Variants in CNST observed in about 807,000 individuals in gnomAD.
CNST encodes consortin, connexin sorting protein.
CNST carries 39 observed loss-of-function variants against 72.4 expected under a neutral mutation model. That is an observed-to-expected ratio of 0.54 (90% CI 0.42 to 0.70). The LOEUF (loss-of-function observed/expected upper bound fraction) is 0.70. CNST is among the 30% of genes least tolerant of loss of function. The probability of loss-of-function intolerance (pLI) is 0.00; values close to 1 mark genes in which losing one functional copy is unlikely to be tolerated. For synonymous variants in CNST, 332 were observed against 320.1 expected (o/e 1.04, Z -0.40); for missense variants, 871 against 868.5 (o/e 1.00, Z -0.04).
intron 1 of CNST, among the ~76,000 whole-genome samples, chr1:246,572,043 A>G (rs1260037634): frequency 6.6e-6 from 1 of 152,074 alleles, no homozygotes; most frequent in East Asian, 1.9e-4. Flanking sequence ...TCTAATTTGA[A>G]TGAAGGTAAA....
rs1666505959 is a variant in CNST at position 246,652,523 on chromosome 1, C to T, written c.1836+4486C>T. 5.9e-5 allele frequency among the ~76,000 whole-genome samples: 9 copies of T among 152,302 alleles called. No individual in the cohort carries two copies. The South Asian group carries it at 1.9e-3, about 32-fold the overall frequency. ...GAGCAGATTTTAGCAACATGATATG[C>T]TGTGTGGAGATAAACCATTCATTTT... On this transcript the variant is annotated intron_variant, in intron 9 of 10. Transcript: ENST00000366513.
In CNST at chr1:246,653,015, A is replaced by G. The variant is rs576580369; in HGVS notation, c.1836+4978A>G. Among the ~76,000 whole-genome samples the G allele has an allele frequency of 3.9e-5, 6 of 151,906 alleles. No homozygotes were observed. In the South Asian group the frequency reaches 1.0e-3, roughly 26 times the overall value. On this transcript the variant is annotated intron_variant, in intron 9 of 10. Coordinates refer to ENST00000366513, the MANE Select transcript of CNST (RefSeq NM_152609.3). ...TGAGACTCTGTCTCAAAAAAAAAAAAAAAGAAAGCTTTTAATCTAGGAGAG... is the reference window on the plus strand; with the variant it reads ...TGAGACTCTGTCTCAAAAAAAAAAAGAAAGAAAGCTTTTAATCTAGGAGAG...
intron 1 of CNST, among the ~76,000 whole-genome samples, chr1:246,583,657 G>A (rs1660942395): frequency 6.6e-6 from 1 of 152,184 alleles, no homozygotes; most frequent in Admixed American, 6.5e-5. Context: ...AAAGCTCTGA[G>A]GTCAGAGTTC....
At chr1:246,597,251 G>A (rs1421776595) in intron 2 of CNST, among the ~76,000 whole-genome samples, 3 of 152,036 alleles carry the variant, frequency 2.0e-5, no homozygotes, top group South Asian at 2.1e-4. Flanking sequence ...CTTGTAATTC[G>A]TATACCATAA....
chr1:246,641,325 A>T (rs563224828), intron 6 of CNST, among the ~76,000 whole-genome samples: 1 of 152,362 alleles, frequency 6.6e-6, no homozygotes, highest in South Asian at 2.1e-4. Context: ...GTATTCCCTA[A>T]CATTTAATAT....
At chr1:246,652,854 A>G (rs1417054504) in intron 9 of CNST, among the ~76,000 whole-genome samples, 3 of 150,240 alleles carry the variant, frequency 2.0e-5, no homozygotes, top group African/African-American at 7.4e-5. Context: ...AATACAAAAA[A>G]CTAGCCGGGC....
In CNST at chr1:246,574,455, T is replaced by TC. The variant is rs1454265784; in HGVS notation, c.-52+7793dup. Among the ~76,000 whole-genome samples, 5 of 152,360 alleles carry TC rather than the reference T, an allele frequency of 3.3e-5. No individual in the cohort carries two copies. In the South Asian group the frequency reaches 1.0e-3, roughly 32 times the overall value. ...AAAAATTTTTTTTAGAGACAGCTTGTCGCACTATCACCCAGGTTGCCATGC... is the reference window on the plus strand; with the variant it reads ...AAAAATTTTTTTTAGAGACAGCTTGTCCGCACTATCACCCAGGTTGCCATGC... On this transcript the variant is annotated intron_variant, in intron 1 of 10. Transcript: ENST00000366513.
At chr1:246,640,436 TC>T (rs966421538) in intron 6 of CNST, among the ~76,000 whole-genome samples, 35 of 152,296 alleles carry the variant, frequency 2.3e-4, no homozygotes, top group African/African-American at 8.2e-4. Context: ...TTGAATTGTA[TC>T]AAGGAGTTGT....
intron 2 of CNST, among the ~76,000 whole-genome samples, chr1:246,619,454 A>G (rs1340314620): frequency 6.6e-6 from 1 of 152,188 alleles, no homozygotes; most frequent in Non-Finnish European, 1.5e-5. Context: ...AGTGTTGAAG[A>G]CACCATGCTG....
At chr1:246,569,599 A>G (rs1472881653) in intron 1 of CNST, among the ~76,000 whole-genome samples, 1 of 151,992 alleles carries the variant, frequency 6.6e-6, no homozygotes, top group African/African-American at 2.4e-5. Context: ...TTGTTTTGAG[A>G]CAGATTCTCA....
At chr1:246,655,593 A>G (rs1405760712) in intron 9 of CNST, among the ~76,000 whole-genome samples, 1 of 152,166 alleles carries the variant, frequency 6.6e-6, no homozygotes, top group Admixed American at 6.5e-5. Flanking sequence ...TAAGATAAGA[A>G]TTTTTGCTAG....
chr1:246,632,070 C>A, intron 4 of CNST, 146 bp downstream of exon 4: 1 of 535,922 alleles, frequency 1.9e-6, no homozygotes, highest in Non-Finnish European at 3.3e-6. Context: ...CCCGTGTAAC[C>A]ACCTCAGAAA....
chr1:246,612,429 C>T (rs1451458886), intron 2 of CNST, among the ~76,000 whole-genome samples: 1 of 152,212 alleles, frequency 6.6e-6, no homozygotes, highest in Non-Finnish European at 1.5e-5. Context: ...TCTCGAACTC[C>T]TGACCTCAGG....
intron 2 of CNST, among the ~76,000 whole-genome samples, chr1:246,598,810 A>G (rs1057293201): frequency 3.3e-5 from 5 of 152,144 alleles, no homozygotes; most frequent in African/African-American, 1.2e-4. Context: ...AAGCAGAATG[A>G]TAGGGACTGG....
chr1:246,658,592 A>G (rs1447137387), intron 9 of CNST, among the ~76,000 whole-genome samples: 1 of 152,208 alleles, frequency 6.6e-6, no homozygotes, highest in Non-Finnish European at 1.5e-5. Context: ...CGAATCTGTA[A>G]TATTTATGCA....
chr1:246,579,782 A>G (rs1022763053), intron 1 of CNST, among the ~76,000 whole-genome samples: 1 of 152,148 alleles, frequency 6.6e-6, no homozygotes, highest in Non-Finnish European at 1.5e-5. Context: ...AATCACACAG[A>G]GTCCTCAGCA....
At chr1:246,589,168 GGTTT>G (rs996298789) in intron 1 of CNST, among the ~76,000 whole-genome samples, 15 of 151,952 alleles carry the variant, frequency 9.9e-5, no homozygotes, top group Admixed American at 9.2e-4. Context: ...ACAATGTGCA[GGTTT>G]GTTACATATG....
At chr1:246,645,549 T>G (rs936808601) in intron 8 of CNST, among the ~76,000 whole-genome samples, 3 of 149,228 alleles carry the variant, frequency 2.0e-5, no homozygotes, top group African/African-American at 7.4e-5. Context: ...TGCCTCAGCC[T>G]CCCGAGTAGC....
intron 1 of CNST, among the ~76,000 whole-genome samples, chr1:246,569,490 ACTC>A (rs923570028): frequency 1.3e-5 from 2 of 150,728 alleles, no homozygotes; most frequent in Non-Finnish European, 3.0e-5. Context: ...TAAATTAAAA[ACTC>A]CTCTTCCTGA....
Sources: allele counts gnomAD v4.1 joint callset (sites outside exome capture counted in the v4.1 genomes callset), GRCh38; gene constraint gnomAD v4.1.1; transcripts MANE v1.5; gene names NCBI Gene and HGNC (gene_info 2026-07-23, HGNC 2026-07-21).